DNAH11: variants seen among roughly 807,000 people sequenced by gnomAD.
DNAH11 encodes axonemal beta dynein heavy chain 11.
Under a neutral mutation model 526.0 loss-of-function variants are expected in DNAH11, and 442 were observed. That is an observed-to-expected ratio of 0.84 (90% CI 0.78 to 0.91). The LOEUF (loss-of-function observed/expected upper bound fraction) is 0.91, where lower values mean the gene tolerates loss of function less well. Ranked by LOEUF, DNAH11 falls within the 40% of genes least tolerant of loss-of-function variation. The pLI is 0.00. For missense variants in DNAH11, 6,989 were observed against 5,448.7 expected (o/e 1.28, Z -8.90); for synonymous variants, 2,461 against 1,935.9 (o/e 1.27, Z -7.12).
chr7:21,724,069 T>C (rs1784982874), intron 44 of DNAH11, among the ~76,000 whole-genome samples: 1 of 152,314 alleles, frequency 6.6e-6, no homozygotes, highest in South Asian at 2.1e-4. Context: ...TGCGTTTTAG[T>C]TGAATTAATT....
chr7:21,579,057 C>G (rs1168708341), intron 8 of DNAH11, among the ~76,000 whole-genome samples: 3 of 152,202 alleles, frequency 2.0e-5, no homozygotes, highest in Non-Finnish European at 4.4e-5. Context: ...GCTTATTGCA[C>G]TTGCCTCCAA....
chr7:21,829,670 A>G (rs916039148), intron 65 of DNAH11, among the ~76,000 whole-genome samples: 5 of 152,262 alleles, frequency 3.3e-5, no homozygotes, highest in African/African-American at 1.2e-4. Flanking sequence ...AATACTGATG[A>G]CATTTCCAAC....
chr7:21,607,041 TAG>T (rs1785319735), intron 20 of DNAH11, among the ~76,000 whole-genome samples: 2 of 152,094 alleles, frequency 1.3e-5, no homozygotes, highest in Non-Finnish European at 1.5e-5. Flanking sequence ...AGTCCCACAG[TAG>T]GCTGTCTGCA....
intron 65 of DNAH11, among the ~76,000 whole-genome samples, chr7:21,821,319 A>G (rs1790039680): frequency 6.6e-6 from 1 of 152,162 alleles, no homozygotes; most frequent in African/African-American, 2.4e-5. Context: ...AGCTTAGTAA[A>G]AGGATGTTGG....
chr7:21,901,293 G>C lies in DNAH11; in HGVS notation c.*39G>C, dbSNP rs1784822462. 2 of 1,560,846 alleles carry C rather than the reference G, an allele frequency of 1.3e-6. No individual in the cohort carries two copies. Among genetic ancestry groups the C allele is most frequent in the Non-Finnish European group, 1.7e-6 (2 of 1,153,884 alleles). ...TTCCTCTAGCCTCTGCTGGAGTGCAGTGAGGATTTTCTAGCATGTTGCTGC... is the reference window on the plus strand; with the variant it reads ...TTCCTCTAGCCTCTGCTGGAGTGCACTGAGGATTTTCTAGCATGTTGCTGC... On this transcript the variant is annotated 3_prime_UTR_variant, in exon 82 of 82. Coordinates refer to ENST00000409508, the MANE Select transcript of DNAH11 (RefSeq NM_001277115.2).
intron 30 of DNAH11, among the ~76,000 whole-genome samples, chr7:21,674,180 C>T (rs1018331658): frequency 2.6e-5 from 4 of 151,984 alleles, no homozygotes; most frequent in African/African-American, 9.7e-5. Flanking sequence ...CTGCCTCAGC[C>T]TCCCAAGTAC....
chr7:21,768,420 C>G (rs1229417303), intron 55 of DNAH11, among the ~76,000 whole-genome samples: 1 of 152,136 alleles, frequency 6.6e-6, no homozygotes, highest in Non-Finnish European at 1.5e-5. Flanking sequence ...AAAGCAGAGC[C>G]AGATGAAAGG....
chr7:21,832,099 A>C (rs2128009415), intron 65 of DNAH11, among the ~76,000 whole-genome samples: 1 of 152,090 alleles, frequency 6.6e-6, no homozygotes, highest in South Asian at 2.1e-4. Context: ...CAAAAAAAAA[A>C]AGCTTCTGTC....
intron 25 of DNAH11, among the ~76,000 whole-genome samples, chr7:21,628,926 T>G (rs1322286143): frequency 6.6e-6 from 1 of 152,138 alleles, no homozygotes; most frequent in East Asian, 1.9e-4. Context: ...ATCCTTGTTA[T>G]TCCCTTCCTT....
intron 2 of DNAH11, among the ~76,000 whole-genome samples, chr7:21,552,462 A>C (rs1310072787): frequency 6.6e-6 from 1 of 152,172 alleles, no homozygotes; most frequent in Non-Finnish European, 1.5e-5. Context: ...AGGTGTCCTA[A>C]ATATTTAACT....
chr7:21,802,948 A>AAT (rs201985396), intron 62 of DNAH11, among the ~76,000 whole-genome samples: 35 of 146,186 alleles, frequency 2.4e-4, no homozygotes, highest in Middle Eastern at 7.1e-3. Flanking sequence ...ATATATATAT[A>AAT]ATATATATAT....
intron 2 of DNAH11, among the ~76,000 whole-genome samples, chr7:21,553,735 C>T (rs1419043625): frequency 6.6e-6 from 1 of 152,180 alleles, no homozygotes; most frequent in Non-Finnish European, 1.5e-5. Flanking sequence ...CTGTCATTCG[C>T]CTTGTCTCCT....
intron 68 of DNAH11, among the ~76,000 whole-genome samples, chr7:21,855,445 A>G (rs1225517857): frequency 6.6e-6 from 1 of 152,168 alleles, no homozygotes; most frequent in Admixed American, 6.5e-5. Context: ...AATAAGAACA[A>G]CTATTTATTG....
At position 21,547,813 on chromosome 7, in the gene DNAH11, G is replaced by T. The variant is rs960878193; in HGVS notation, c.495+2664G>T. 5.9e-5 allele frequency among the ~76,000 whole-genome samples: 9 copies of T among 151,846 alleles called. No homozygotes were observed. The East Asian group carries it at 1.2e-3, about 20-fold the overall frequency. ...CTCCTCTTTTCTATTTACTTTCTTTGGTTTTATTTTTATCTAAACCCTTTT... is the reference window on the plus strand; with the variant it reads ...CTCCTCTTTTCTATTTACTTTCTTTTGTTTTATTTTTATCTAAACCCTTTT... On this transcript the variant is annotated intron_variant, in intron 2 of 81. Coordinates refer to ENST00000409508, the MANE Select transcript of DNAH11 (RefSeq NM_001277115.2).
chr7:21,821,712 T>A (rs1477457828), intron 65 of DNAH11, among the ~76,000 whole-genome samples: 1 of 152,122 alleles, frequency 6.6e-6, no homozygotes, highest in Non-Finnish European at 1.5e-5. Context: ...GTTGAAAACA[T>A]TACAGTTCTT....
chr7:21,773,776 A>G lies in DNAH11; in HGVS notation c.9113A>G (p.Lys3038Arg). 6.3e-7 allele frequency: 1 copy of G among 1,586,292 alleles called. No individual in the cohort carries two copies. Among genetic ancestry groups the G allele is most frequent in the Non-Finnish European group, 8.6e-7 (1 of 1,167,378 alleles). Residue 3038 changes from lysine (K) to arginine (R), a missense_variant, in exon 56 of 82, where the codon AAA (lysine) becomes AGA (arginine). By Grantham distance (26) the Lys-to-Arg change is conservative. Transcript: ENST00000409508. ...EETKGIEPVHKDSISLFMAHV... is the reference protein window; with the variant it reads ...EETKGIEPVHRDSISLFMAHV... The stretch of plus-strand genomic sequence containing the variant: ...TGTTTGTGTTTTCAGCCAGTGCACA[A>G]AGACTCTATTAGCCTTTTCATGGCA...
chr7:21,842,317 A>G (rs1342187817), intron 65 of DNAH11, among the ~76,000 whole-genome samples: 1 of 152,204 alleles, frequency 6.6e-6, no homozygotes, highest in Non-Finnish European at 1.5e-5. Flanking sequence ...TGGGGTGAGT[A>G]CTATTATTGT....
chr7:21,849,459 G>A (rs755974205), intron 66 of DNAH11, among the ~76,000 whole-genome samples: 13 of 151,948 alleles, frequency 8.6e-5, no homozygotes, highest in Non-Finnish European at 1.8e-4. Flanking sequence ...CATTTTTCTT[G>A]TCTATGAAGA....
At chr7:21,877,632 T>C (rs935658410) in intron 74 of DNAH11, among the ~76,000 whole-genome samples, 14 of 151,760 alleles carry the variant, frequency 9.2e-5, no homozygotes, top group Non-Finnish European at 1.8e-4. Flanking sequence ...TCCCAGCACT[T>C]TGGGAGGCCG....
Sources: gnomAD v4.1 joint callset for allele counts (sites outside exome capture counted in the v4.1 genomes callset) on GRCh38, gnomAD v4.1.1 for gene constraint, MANE v1.5 for transcripts, NCBI Gene and HGNC (gene_info 2026-07-23, HGNC 2026-07-21) for gene names.